Variants in CADM1 observed in about 807,000 individuals in gnomAD.
The protein encoded by CADM1 is TSLC-1.
Under a neutral mutation model 53.1 loss-of-function variants are expected in CADM1, and 15 were observed. That is an observed-to-expected ratio of 0.28 (90% CI 0.19 to 0.44). The LOEUF is 0.44. CADM1 is among the 20% of genes least tolerant of loss of function. CADM1 has a pLI of 1.00. For missense variants in CADM1, 434 were observed against 611.3 expected (o/e 0.71, Z 3.06); for synonymous variants, 281 against 243.0 (o/e 1.16, Z -1.45).
In CADM1 at chr11:115,454,727, T is replaced by C. The variant is rs143165539; in HGVS notation, c.124+49544A>G. On this transcript the variant is annotated intron_variant, in intron 1 of 11. Coordinates refer to ENST00000331581, the MANE Select transcript of CADM1 (RefSeq NM_001301043.2). ...TCCATGGGCAAGGTCCTATCTTCTC[T>C]TGGTGCAGCCAATAAGGCTTTGGTC... Among the ~76,000 whole-genome samples the C allele has an allele frequency of 2.0e-5, 3 of 152,310 alleles. No individual in the cohort carries two copies. The East Asian group carries it at 5.8e-4, about 29-fold the overall frequency.
Position 115,390,109 on chromosome 11 carries a change from C to T in CADM1, c.124+114162G>A, listed in dbSNP as rs78253810. ...GAGCCATCAGAGGATAGTGGGATTA[C>T]TGTGTACCCTCCCATCCCACCTCCC... On this transcript the variant is annotated intron_variant, in intron 1 of 11. Transcript: ENST00000331581. Among the ~76,000 whole-genome samples, 20 of 152,222 alleles carry T rather than the reference C, an allele frequency of 1.3e-4. No individual in the cohort carries two copies. The East Asian group carries it at 3.5e-3, about 26-fold the overall frequency.
chr11:115,410,609 G>A (rs955917873), intron 1 of CADM1, among the ~76,000 whole-genome samples: 3 of 152,072 alleles, frequency 2.0e-5, no homozygotes, highest in African/African-American at 7.2e-5. Context: ...ATGACATACA[G>A]ATGACGGCAA....
At chr11:115,461,625 C>T (rs188104018) in intron 1 of CADM1, among the ~76,000 whole-genome samples, 131 of 152,230 alleles carry the variant, frequency 8.6e-4, no homozygotes, top group African/African-American at 2.9e-3. Context: ...CCTAGGTGAA[C>T]GGCGGTGAGC....
At chr11:115,489,243 G>T (rs1949440557) in intron 1 of CADM1, among the ~76,000 whole-genome samples, 1 of 152,168 alleles carries the variant, frequency 6.6e-6, no homozygotes. Flanking sequence ...CACACTAGAA[G>T]TCATTCCTTC....
chr11:115,200,089 C>T (rs1238341615), intron 8 of CADM1, among the ~76,000 whole-genome samples: 2 of 152,172 alleles, frequency 1.3e-5, no homozygotes, highest in African/African-American at 4.8e-5. Context: ...CCAGAATTAA[C>T]CAGAAGTCTG....
chr11:115,496,477 G>A (rs549198105), intron 1 of CADM1, among the ~76,000 whole-genome samples: 1 of 152,162 alleles, frequency 6.6e-6, no homozygotes, highest in Non-Finnish European at 1.5e-5. Context: ...TCAGGATTAA[G>A]CTGAAAAGTA....
chr11:115,357,317 G>A (rs529600363), intron 1 of CADM1, among the ~76,000 whole-genome samples: 4 of 152,220 alleles, frequency 2.6e-5, no homozygotes, highest in African/African-American at 9.6e-5. Context: ...GTAAACAGAA[G>A]GAAAAAGATT....
rs1184064869 is a variant in CADM1, at chr11:115,504,317, G to C, written c.78C>G (p.Leu26=). The C allele has an allele frequency of 6.6e-7, 1 of 1,506,596 alleles. No homozygotes were observed. Among genetic ancestry groups the C allele is most frequent in the Admixed American group, 2.0e-5 (1 of 50,854 alleles). 93.3% of individuals were successfully genotyped at this position (1,506,596 alleles called of 1,614,324 possible). Residue 26 remains leucine, a synonymous_variant, in exon 1 of 12, where the codon CTC becomes CTG. Transcript: ENST00000331581. Reference sequence around the variant, plus strand: ...CGGAGAAGAGCAACAGCAGAAGCCGGAGCCGGAGCCCGGGAGGCGCCGCCG... The same window carrying C: ...CGGAGAAGAGCAACAGCAGAAGCCGCAGCCGGAGCCCGGGAGGCGCCGCCG... The part of the protein sequence containing the change: ...AAAAAPPGLR[L]RLLLLLFSAA...
intron 1 of CADM1, among the ~76,000 whole-genome samples, chr11:115,288,097 C>T (rs571833445): frequency 2.0e-5 from 3 of 152,206 alleles, no homozygotes; most frequent in East Asian, 3.9e-4. Flanking sequence ...GTGAAGGAGA[C>T]AGCCAAGTGA....
intron 1 of CADM1, among the ~76,000 whole-genome samples, chr11:115,365,923 C>T (rs1946144496): frequency 6.6e-6 from 1 of 152,168 alleles, no homozygotes; most frequent in Non-Finnish European, 1.5e-5. Context: ...CACACGGTCA[C>T]AATTAACACT....
chr11:115,448,727 T>C (rs1381715232), intron 1 of CADM1, among the ~76,000 whole-genome samples: 3 of 152,058 alleles, frequency 2.0e-5, no homozygotes, highest in Admixed American at 1.3e-4. Context: ...TTACTAGCAA[T>C]ATCACAAAGT....
chr11:115,366,851 CT>C lies in CADM1; in HGVS notation c.125-126432del, dbSNP rs1469836685. 3.3e-4 allele frequency among the ~76,000 whole-genome samples: 50 copies of C among 152,152 alleles called. 2 individuals are homozygous for C. The highest frequency in any genetic ancestry group is 2.6e-3 in the Admixed American group (40 of 15,266). On this transcript the variant is annotated intron_variant, in intron 1 of 11. Coordinates refer to ENST00000331581, the MANE Select transcript of CADM1 (RefSeq NM_001301043.2). ...AAAAAGGCCTAAATTACCTTTACCC[CT>C]AAAGTCATCTTTCTACATTATTTCA...
intron 11 of CADM1, 90 bp downstream of exon 11, chr11:115,178,554 T>C: frequency 9.1e-7 from 1 of 1,095,164 alleles, no homozygotes; most frequent in South Asian, 1.2e-5. Context: ...GCCACATACA[T>C]CAAATTGCCT....
intron 1 of CADM1, among the ~76,000 whole-genome samples, chr11:115,356,394 C>CA (rs1469608513): frequency 1.3e-5 from 2 of 151,940 alleles, no homozygotes; most frequent in African/African-American, 4.8e-5. Context: ...AGCAAAACTA[C>CA]AGGAGGAAAC....
chr11:115,418,228 C>T (rs372328676), intron 1 of CADM1, among the ~76,000 whole-genome samples: 8 of 151,896 alleles, frequency 5.3e-5, no homozygotes, highest in Non-Finnish European at 1.0e-4. Flanking sequence ...TTTGATAATC[C>T]GAAAAAGAAA....
chr11:115,412,226 C>T lies in CADM1; in HGVS notation c.124+92045G>A, dbSNP rs144942985. On this transcript the variant is annotated intron_variant, in intron 1 of 11. Coordinates refer to ENST00000331581, the MANE Select transcript of CADM1 (RefSeq NM_001301043.2). ...ATCTGCTTTTGAGAACAGAATTTCA[C>T]TCTGTTGCCCAGGTTGGAGTGCAGT... is the stretch of plus-strand genomic sequence containing the variant. 7.0e-3 allele frequency among the ~76,000 whole-genome samples: 1,056 copies of T among 151,874 alleles called. 5 individuals carry two copies. The highest frequency in any genetic ancestry group is 0.01 in the Middle Eastern group (3 of 292).
rs111437196 is a variant in CADM1 at position 115,382,125 on chromosome 11, G to T, written c.124+122146C>A. On this transcript the variant is annotated intron_variant, in intron 1 of 11. Coordinates refer to ENST00000331581, the MANE Select transcript of CADM1 (RefSeq NM_001301043.2). ...CTCCCAAAGTGCTGGGATTACAGGC[G>T]TGAGCCACCGTGTGTGGCAATAATT... is the stretch of plus-strand genomic sequence containing the variant. 5.3e-5 allele frequency among the ~76,000 whole-genome samples: 8 copies of T among 152,262 alleles called. No individual in the cohort carries two copies. The South Asian group carries it at 1.5e-3, about 28-fold the overall frequency.
chr11:115,247,679 C>A (rs929059893), intron 1 of CADM1, among the ~76,000 whole-genome samples: 1 of 152,186 alleles, frequency 6.6e-6, no homozygotes, highest in African/African-American at 2.4e-5. Flanking sequence ...GCAACCACAG[C>A]AAATAACATG....
At chr11:115,307,064 T>C (rs1447392024) in intron 1 of CADM1, among the ~76,000 whole-genome samples, 1 of 151,930 alleles carries the variant, frequency 6.6e-6, no homozygotes, top group African/African-American at 2.4e-5. Flanking sequence ...AGCATTCAAA[T>C]AGTTACAGTA....
Sources: gnomAD v4.1 joint callset for allele counts (sites outside exome capture counted in the v4.1 genomes callset) on GRCh38, gnomAD v4.1.1 for gene constraint, MANE v1.5 for transcripts, NCBI Gene and HGNC (gene_info 2026-07-23, HGNC 2026-07-21) for gene names.